CYLD: variants seen among roughly 807,000 people sequenced by gnomAD.
CYLD encodes the protein ubiquitin carboxyl-terminal hydrolase CYLD.
CYLD carries 26 observed loss-of-function variants against 104.5 expected under a neutral mutation model. That is an observed-to-expected ratio of 0.25 (90% confidence interval 0.18 to 0.35). The LOEUF is 0.35. Ranked by LOEUF, CYLD falls within the 10% of genes least tolerant of loss-of-function variation. CYLD has a pLI of 1.00. For synonymous variants in CYLD, 385 were observed against 399.9 expected (o/e 0.96, Z 0.45); for missense variants, 703 against 1,136.1 (o/e 0.62, Z 5.48).
At chr16:50,755,014 T>C (rs1392034395) in intron 5 of CYLD, among the ~76,000 whole-genome samples, 2 of 12,088 alleles carry the variant, frequency 1.7e-4, no homozygotes, top group East Asian at 1.0e-3. Context: ...TACATATATA[T>C]GTATATATAC....
In CYLD at chr16:50,796,464, T is replaced by A; in HGVS notation, c.2827T>A (p.Tyr943Asn). Residue 943 changes from tyrosine (Y) to asparagine (N), a missense_variant, in exon 19 of 19, where the codon TAT becomes AAT. This residue lies in a region of CYLD where 130 missense variants were observed against 220.2 expected (regional missense o/e 0.59). Transcript: ENST00000427738. ...GCARRLLCDA[Y>N]MCMYQSPTMS... ...TGCACGAAGACTGCTTTGTGATGCA[T>A]ATATGTGCATGTACCAGAGTCCAAC... 1 of 1,613,924 alleles carries A rather than the reference T, an allele frequency of 6.2e-7. No homozygotes were observed. Among genetic ancestry groups the A allele is most frequent in the Non-Finnish European group, 8.5e-7 (1 of 1,180,022 alleles).
At chr16:50,753,371 GCT>G (rs769589849) in intron 4 of CYLD, among the ~76,000 whole-genome samples, 5 of 152,162 alleles carry the variant, frequency 3.3e-5, no homozygotes, top group Non-Finnish European at 7.4e-5. Flanking sequence ...CTTGCATCAG[GCT>G]CTTTACCTTG....
At chr16:50,791,049 T>C (rs1044041431) in intron 14 of CYLD, among the ~76,000 whole-genome samples, 1 of 152,234 alleles carries the variant, frequency 6.6e-6, no homozygotes, top group African/African-American at 2.4e-5. Context: ...CTAGATTCTT[T>C]ACCCAGCTCT....
intron 5 of CYLD, among the ~76,000 whole-genome samples, chr16:50,773,492 C>G (rs1468764032): frequency 6.6e-6 from 1 of 152,108 alleles, no homozygotes; most frequent in East Asian, 1.9e-4. Context: ...ATTTGTTTCT[C>G]TATTCTTCTG....
rs2150991146 is a variant in CYLD, at chr16:50,779,831, C to T, written c.1305C>T (p.His435=). 2.5e-6 allele frequency: 4 copies of T among 1,613,890 alleles called. No homozygotes were observed. Among genetic ancestry groups the T allele is most frequent in the Non-Finnish European group, 3.4e-6 (4 of 1,179,984 alleles). Reference sequence around the variant, plus strand: ...CCAATACCAATGGAAGTATTGGCCACAGTCCACTTTCTCTGTCAGCCCAGT... The same window carrying T: ...CCAATACCAATGGAAGTATTGGCCATAGTCCACTTTCTCTGTCAGCCCAGT... ...KMPNTNGSIG[H]SPLSLSAQSV... is the part of the protein sequence containing the mutation. Residue 435 remains histidine (H), a synonymous_variant, in exon 9 of 19, where the codon CAC becomes CAT. Transcript: ENST00000427738.
rs140001645 is a variant in CYLD, at chr16:50,794,177, C to T, written c.2470-35C>T. ...TCCTGACCTCGTGATCCACCAGCCT[C>T]GGCCTAATGACATTCTTTTCATGGT... On this transcript the variant is annotated intron_variant, in intron 17 of 18. Coordinates refer to ENST00000427738, the MANE Select transcript of CYLD (RefSeq NM_001378743.1). This position sits in a 1 kb window ranked among gnomAD's most constrained non-coding sequence, Gnocchi z 4.1. 2.8e-3 allele frequency: 4,469 copies of T among 1,580,080 alleles called. 12 individuals are homozygous for T. The highest frequency in any genetic ancestry group is 9.5e-3 in the Middle Eastern group (49 of 5,134).
intron 5 of CYLD, among the ~76,000 whole-genome samples, chr16:50,754,913 A>G (rs1368745034): frequency 6.7e-6 from 1 of 148,952 alleles, no homozygotes; most frequent in African/African-American, 2.5e-5. Flanking sequence ...ACACACATAT[A>G]TGTATACATA....
At chr16:50,781,136 A>G in intron 9 of CYLD, 110 bp from the exon 10 acceptor site, 2 of 1,152,630 alleles carry the variant, frequency 1.7e-6, no homozygotes, top group Non-Finnish European at 2.6e-6. Flanking sequence ...AGGTGCGAAG[A>G]GGGAGTGGTG....
At chr16:50,775,970 T>C (rs1009370090) in intron 6 of CYLD, among the ~76,000 whole-genome samples, 34 of 152,234 alleles carry the variant, frequency 2.2e-4, no homozygotes, top group African/African-American at 8.0e-4. Context: ...TATTTTCTTA[T>C]AGAAATTACA....
chr16:50,789,518 G>A (rs1462486948), intron 14 of CYLD, among the ~76,000 whole-genome samples: 10 of 152,090 alleles, frequency 6.6e-5, no homozygotes, highest in Admixed American at 2.6e-4. Flanking sequence ...AATGCCTTGT[G>A]GGACTTGAAA....
chr16:50,752,025 T>TTA (rs1311906792), intron 4 of CYLD, 119 bp downstream of exon 4: 3 of 287,316 alleles, frequency 1.0e-5, no homozygotes, highest in East Asian at 7.9e-5. Context: ...TATGTATAGT[T>TTA]TATATATATA....
At chr16:50,786,725 A>G in intron 12 of CYLD, 130 bp from the exon 13 acceptor site, 1 of 694,244 alleles carries the variant, frequency 1.4e-6, no homozygotes, top group Non-Finnish European at 2.4e-6. Flanking sequence ...GGGCCACTGC[A>G]CACTCCAGCC....
At chr16:50,742,594 C>A in intron 1 of CYLD, 168 bp from the exon 2 acceptor site, 1 of 202,598 alleles carries the variant, frequency 4.9e-6, no homozygotes, top group Non-Finnish European at 9.8e-6. Flanking sequence ...AGGCCGCTGG[C>A]GGGCCCCGAC....
intron 12 of CYLD, 140 bp from the exon 13 acceptor site, chr16:50,786,715 G>A (rs755928468): frequency 3.0e-5 from 19 of 637,230 alleles, no homozygotes; most frequent in Middle Eastern, 4.4e-4. Flanking sequence ...AGCTGAGATC[G>A]GGCCACTGCA....
chr16:50,777,448 G>A (rs924905690), intron 7 of CYLD, among the ~76,000 whole-genome samples: 1 of 152,022 alleles, frequency 6.6e-6, no homozygotes, highest in Non-Finnish European at 1.5e-5. Context: ...TAAAATAATA[G>A]GTTAAATTTG....
chr16:50,765,898 C>T (rs549150912), intron 5 of CYLD, among the ~76,000 whole-genome samples: 109 of 152,238 alleles, frequency 7.2e-4, no homozygotes, highest in African/African-American at 2.4e-3. Flanking sequence ...GTTGGAAGCT[C>T]GCACAGGTTG....
At position 50,797,638 on chromosome 16, in the gene CYLD, T is replaced by C. The variant is rs1029851978; in HGVS notation, c.*1130T>C. 3 of 232,930 alleles carry C rather than the reference T, an allele frequency of 1.3e-5. No individual in the cohort carries two copies. Among genetic ancestry groups the C allele is most frequent in the Non-Finnish European group, 2.5e-5 (3 of 117,856 alleles). 14.4% of individuals were successfully genotyped at this position (232,930 alleles called of 1,614,324 possible). ...TGTTGTAGACCAGGACCATAGATGA[T>C]ACATGTCAGTGCTGTGGAATGTGCA... is the stretch of plus-strand genomic sequence containing the variant. On this transcript the variant is annotated 3_prime_UTR_variant, in exon 19 of 19. Coordinates refer to ENST00000427738, the MANE Select transcript of CYLD (RefSeq NM_001378743.1).
intron 14 of CYLD, among the ~76,000 whole-genome samples, chr16:50,788,637 A>G (rs918541757): frequency 6.6e-6 from 1 of 152,222 alleles, no homozygotes; most frequent in African/African-American, 2.4e-5. Context: ...AGACTGATAC[A>G]TAACCATCAA....
Position 50,794,357 on chromosome 16 carries a change from A to G in CYLD, c.2615A>G (p.Tyr872Cys), listed in dbSNP as rs1205146628. 3 of 1,613,934 alleles carry G rather than the reference A, an allele frequency of 1.9e-6. No homozygotes were observed. The highest frequency in any genetic ancestry group is 1.3e-5 in the African/African-American group (1 of 74,878). ...FAVLCIETSH[Y>C]VAFVKYGKDD... Reference sequence around the variant, plus strand: ...GTTCTCTGCATAGAAACAAGCCACTATGTTGCTTTTGTGAAGTATGGGAAG... The same window carrying G: ...GTTCTCTGCATAGAAACAAGCCACTGTGTTGCTTTTGTGAAGTATGGGAAG... The change falls in exon 18 of 19, where the codon TAT becomes TGT. Residue 872 changes from tyrosine to cysteine, a missense_variant. Tyr to Cys is a radical substitution (Grantham distance 194, BLOSUM62 -2). Around this residue, in one of 5 missense-constraint regions of CYLD, gnomAD observed 130 missense variants for 220.2 expected, o/e 0.59. Coordinates refer to ENST00000427738, the MANE Select transcript of CYLD (RefSeq NM_001378743.1). This position sits in a 1 kb window ranked among gnomAD's most constrained non-coding sequence, Gnocchi z 4.1.
Sources: allele counts gnomAD v4.1 joint callset (sites outside exome capture counted in the v4.1 genomes callset), GRCh38; gene constraint gnomAD v4.1.1; regional missense constraint gnomAD v4.1.1; non-coding constraint Gnocchi (gnomAD v3.1); transcripts MANE v1.5; gene names NCBI Gene and HGNC (gene_info 2026-07-23, HGNC 2026-07-21).